Variants in USP36 observed in about 807,000 individuals in gnomAD.
USP36 encodes ubiquitin specific peptidase 36.
A neutral mutation model predicts 111.5 loss-of-function variants in USP36; 59 were observed. The ratio of observed to expected loss-of-function variants is 0.53; its 90% CI spans 0.43 to 0.66. The LOEUF (loss-of-function observed/expected upper bound fraction) is 0.66. Ranked by LOEUF, USP36 falls within the 30% of genes least tolerant of loss-of-function variation. USP36 has a pLI of 0.00. For synonymous variants in USP36, 628 were observed against 581.0 expected (o/e 1.08, Z -1.16); for missense variants, 1,488 against 1,468.0 (o/e 1.01, Z -0.22).
intron 14 of USP36, 107 bp downstream of exon 14, chr17:78,806,852 G>C (rs1399700029): frequency 7.0e-7 from 1 of 1,434,968 alleles, no homozygotes; most frequent in Admixed American, 2.2e-5. Context: ...TCTAACATGA[G>C]GGAGGCCAAA....
chr17:78,822,950 C>T (rs1318563620), intron 6 of USP36, among the ~76,000 whole-genome samples: 1 of 152,180 alleles, frequency 6.6e-6, no homozygotes, highest in Non-Finnish European at 1.5e-5. Context: ...CCCGTCTCCC[C>T]AGCTGCTTCC....
chr17:78,815,362 ACAC>A (rs1022413367), intron 10 of USP36, among the ~76,000 whole-genome samples: 1 of 152,078 alleles, frequency 6.6e-6, no homozygotes, highest in African/African-American at 2.4e-5. Context: ...CAAAGAAAAA[ACAC>A]CAAGATGCTG....
At chr17:78,815,416 T>A (rs924823651) in intron 10 of USP36, among the ~76,000 whole-genome samples, 2 of 152,196 alleles carry the variant, frequency 1.3e-5, no homozygotes, top group African/African-American at 4.8e-5. Context: ...GAAACTTTAT[T>A]GTCCCATCAA....
chr17:78,807,166 G>T lies in USP36; in HGVS notation c.1878C>A (p.Ala626=). Residue 626 remains alanine, a synonymous_variant, in exon 14 of 21, where the codon GCC becomes GCA. Transcript: ENST00000449938. ...EHSASSDSTK[A]PQTPRSGAAH... The stretch of plus-strand genomic sequence containing the variant: ...CCGCTCCACTCCTGGGGGTCTGGGG[G>T]GCCTTGGTGGAGTCGCTGCTGGCCG... The T allele has an allele frequency of 6.2e-7, 1 of 1,614,232 alleles. No homozygotes were observed. The highest frequency in any genetic ancestry group is 8.5e-7 in the Non-Finnish European group (1 of 1,180,044).
At chr17:78,787,626 T>G (rs1171421887) in exon 4 of USP36, 3 of 152,228 alleles carry the variant, frequency 2.0e-5, no homozygotes, top group Non-Finnish European at 4.4e-5. Flanking sequence ...CTCTGGAGGC[T>G]TCCACTCTCG....
downstream of USP36, among the ~76,000 whole-genome samples, chr17:78,794,816 G>C (rs1017609309): frequency 6.6e-6 from 1 of 151,984 alleles, no homozygotes; most frequent in Non-Finnish European, 1.5e-5. Context: ...AGACCAGCCT[G>C]GCCAACATGG....
At chr17:78,826,221 T>C (rs1205763873) in intron 6 of USP36, among the ~76,000 whole-genome samples, 1 of 152,188 alleles carries the variant, frequency 6.6e-6, no homozygotes, top group East Asian at 1.9e-4. Context: ...GTTGCCTTCA[T>C]ATAAGTGATT....
chr17:78,815,369 G>A (rs1056238424), intron 10 of USP36, among the ~76,000 whole-genome samples: 1 of 152,080 alleles, frequency 6.6e-6, no homozygotes, highest in Non-Finnish European at 1.5e-5. Flanking sequence ...AAAACACCAA[G>A]ATGCTGAGAA....
At position 78,798,561 on chromosome 17, in the gene USP36, G is replaced by A. The variant is rs767780014; in HGVS notation, c.3241-10C>T. 2.2e-5 allele frequency: 36 copies of A among 1,610,104 alleles called. No homozygotes were observed. Among genetic ancestry groups the A allele is most frequent in the Non-Finnish European group, 3.1e-5 (36 of 1,179,212 alleles). On this transcript the variant is annotated splice_polypyrimidine_tract_variant and intron_variant, in intron 19 of 20. Coordinates refer to ENST00000449938, the MANE Select transcript of USP36 (RefSeq NM_001385174.1). The surrounding 1 kb of genome is among the most constrained non-coding windows in gnomAD (Gnocchi z 5.1). ...TTTTAATTTTCTTTTCCTAGACCAA[G>A]AATCACAGGCATCACAGTTCCCAAA...
rs375010260 is a variant in USP36, at chr17:78,807,297, G to T, written c.1747C>A (p.Pro583Thr). 18 of 1,614,108 alleles carry T rather than the reference G, an allele frequency of 1.1e-5. No individual in the cohort carries two copies. The highest frequency in any genetic ancestry group is 1.4e-5 in the Non-Finnish European group (16 of 1,180,044). Residue 583 changes from proline to threonine, a missense_variant, in exon 14 of 21, where the codon CCT becomes ACT. Around this residue, in one of 3 missense-constraint regions of USP36, gnomAD observed 1,073 missense variants for 994.1 expected, o/e 1.08. Coordinates refer to ENST00000449938, the MANE Select transcript of USP36 (RefSeq NM_001385174.1). ...GCAGTGGCTGTAGCCAGGAGCTTAG[G>T]TGAGGTAGAGAGGACAACATCCCTG... Reference protein sequence around the residue: ...DSRDVVLSTSPKLLATATANG... With the variant: ...DSRDVVLSTSTKLLATATANG...
At chr17:78,814,634 C>A in intron 10 of USP36, 82 bp from the exon 11 acceptor site, 1 of 1,513,596 alleles carries the variant, frequency 6.6e-7, no homozygotes, top group Admixed American at 1.9e-5. Context: ...CACAACCACA[C>A]AAAATGCCCA....
At chr17:78,788,956 T>G (rs1303607687) in intron 3 of USP36, among the ~76,000 whole-genome samples, 1 of 151,812 alleles carries the variant, frequency 6.6e-6, no homozygotes, top group African/African-American at 2.4e-5. Flanking sequence ...TCCCAGCACT[T>G]TGGGAGGCTG....
At chr17:78,837,722 T>C (rs1305334691) in intron 2 of USP36, among the ~76,000 whole-genome samples, 2 of 152,136 alleles carry the variant, frequency 1.3e-5, no homozygotes, top group Non-Finnish European at 2.9e-5. Flanking sequence ...CTTAAATTGC[T>C]CACTCACATC....
In USP36 at chr17:78,799,777, G is replaced by C. The variant is rs111318763; in HGVS notation, c.3023-9C>G. On this transcript the variant is annotated splice_polypyrimidine_tract_variant and intron_variant, in intron 17 of 20. Coordinates refer to ENST00000449938, the MANE Select transcript of USP36 (RefSeq NM_001385174.1). The stretch of plus-strand genomic sequence containing the variant: ...AGGGGCCTGGCTCAGCCCTGCAATC[G>C]GAGCAGCCAAGAAACATTTACAGAC... 6.3e-7 allele frequency: 1 copy of C among 1,590,716 alleles called. No homozygotes were observed. Among genetic ancestry groups the C allele is most frequent in the Non-Finnish European group, 8.5e-7 (1 of 1,171,900 alleles).
chr17:78,835,995 T>A, intron 3 of USP36, 116 bp downstream of exon 3: 4 of 1,449,374 alleles, frequency 2.8e-6, no homozygotes, highest in Non-Finnish European at 3.7e-6. Flanking sequence ...ATGTAAAAAT[T>A]CATAACTCTT....
intron 10 of USP36, among the ~76,000 whole-genome samples, chr17:78,816,125 G>A (rs919609066): frequency 5.3e-5 from 8 of 151,894 alleles, no homozygotes; most frequent in African/African-American, 1.7e-4. Context: ...ATATACAGAC[G>A]TGTGTTTAGG....
chr17:78,831,976 TAATAA>T (rs2068169344), intron 4 of USP36, among the ~76,000 whole-genome samples: 1 of 144,224 alleles, frequency 6.9e-6, no homozygotes, highest in Non-Finnish European at 1.5e-5. Flanking sequence ...TCTTTCAGCC[TAATAA>T]AATATCACTC....
chr17:78,799,772 C>T lies in USP36; in HGVS notation c.3023-4G>A. ...ACAGGAGGGGCCTGGCTCAGCCCTG[C>T]AATCGGAGCAGCCAAGAAACATTTA... is the stretch of plus-strand genomic sequence containing the variant. On this transcript the variant is annotated splice_polypyrimidine_tract_variant and splice_region_variant and intron_variant, in intron 17 of 20. Coordinates refer to ENST00000449938, the MANE Select transcript of USP36 (RefSeq NM_001385174.1). 6.3e-7 allele frequency: 1 copy of T among 1,594,184 alleles called. No homozygotes were observed. Among genetic ancestry groups the T allele is most frequent in the Non-Finnish European group, 8.5e-7 (1 of 1,173,132 alleles).
At chr17:78,805,636 A>G (rs893574363) in intron 15 of USP36, among the ~76,000 whole-genome samples, 1 of 152,218 alleles carries the variant, frequency 6.6e-6, no homozygotes, top group Non-Finnish European at 1.5e-5. Context: ...CCTGCGGACC[A>G]GGGCCCACAT....
Sources: gnomAD v4.1 joint callset for allele counts (sites outside exome capture counted in the v4.1 genomes callset) on GRCh38, gnomAD v4.1.1 for gene constraint, gnomAD v4.1.1 regional missense constraint, Gnocchi (gnomAD v3.1) non-coding constraint, MANE v1.5 for transcripts, NCBI Gene and HGNC (gene_info 2026-07-23, HGNC 2026-07-21) for gene names.